Variants in LRCH2 observed in about 807,000 individuals in gnomAD.
The protein encoded by LRCH2 is leucine-rich repeat and calponin homology domain-containing protein 2.
In LRCH2, 38 loss-of-function variants were observed where a neutral mutation model predicts 68.9. The ratio of observed to expected loss-of-function variants is 0.55; its 90% CI spans 0.43 to 0.72. LRCH2 has a LOEUF of 0.72. LRCH2 is among the 30% of genes least tolerant of loss of function. The pLI, the probability that LRCH2 is intolerant of heterozygous loss-of-function variation, is 0.00. For synonymous variants in LRCH2, 191 were observed against 208.1 expected (o/e 0.92, Z 0.71); for missense variants, 528 against 572.9 (o/e 0.92, Z 0.80).
intron 1 of LRCH2, chrX:115,190,186 C>A (rs1013620937): frequency 3.2e-5 from 37 of 1,165,582 alleles, no homozygotes; most frequent in Non-Finnish European, 4.0e-5. Context: ...GTGCCGCGAC[C>A]CTGGGGATTT....
At chrX:115,121,270 G>A (rs1180008546) in intron 20 of LRCH2, among the ~76,000 whole-genome samples, 4 of 111,112 alleles carry the variant, frequency 3.6e-5, no homozygotes, top group African/African-American at 1.3e-4. Context: ...AATGGCTGCA[G>A]AAAACGTTGC....
chrX:115,205,429 T>C (rs1569516838), intron 1 of LRCH2, among the ~76,000 whole-genome samples: 1 of 112,160 alleles, frequency 8.9e-6, no homozygotes, highest in African/African-American at 3.2e-5. Flanking sequence ...AAAGACTGAA[T>C]CCTAATGTAC....
chrX:115,228,241 AT>A (rs1196163348), intron 1 of LRCH2, among the ~76,000 whole-genome samples: 64 of 110,781 alleles, frequency 5.8e-4, no homozygotes, highest in South Asian at 3.4e-3. Flanking sequence ...CGTGTAAGGT[AT>A]TTTTTTTTCT....
At chrX:115,222,888 AT>A (rs1254638264) in intron 1 of LRCH2, among the ~76,000 whole-genome samples, 1 of 111,650 alleles carries the variant, frequency 9.0e-6, no homozygotes, top group Non-Finnish European at 1.9e-5. Context: ...AGCCCCAAAA[AT>A]CTTGAAAAAA....
intron 1 of LRCH2, among the ~76,000 whole-genome samples, chrX:115,221,883 T>A (rs900650763): frequency 2.0e-5 from 2 of 98,428 alleles, no homozygotes; most frequent in Non-Finnish European, 4.1e-5. Flanking sequence ...TGATCTGGGA[T>A]ACAAAGAATC....
At position 115,165,880 on chromosome X, in the gene LRCH2, C is replaced by T. The variant is rs782143433; in HGVS notation, c.1159G>A (p.Asp387Asn). 5.2e-6 allele frequency: 6 copies of T among 1,163,367 alleles called. No homozygotes were observed. The African/African-American group carries it at 7.2e-5, about 14-fold the overall frequency. Residue 387 changes from aspartate to asparagine, a missense_variant, in exon 8 of 21, where the codon GAC becomes AAC. Transcript: ENST00000317135. ...GTCTTACTTCCTATTATGTGACTGTCATTTCTTGATGTCTGCTCTCTATTT... is the reference window on the plus strand; with the variant it reads ...GTCTTACTTCCTATTATGTGACTGTTATTTCTTGATGTCTGCTCTCTATTT... ...ESNREQTSRN[D>N]SHIIGSKTDS...
At chrX:115,230,276 T>C (rs904479888) in intron 1 of LRCH2, among the ~76,000 whole-genome samples, 8 of 111,146 alleles carry the variant, frequency 7.2e-5, no homozygotes, top group Admixed American at 2.9e-4. Flanking sequence ...TATGTCCTTA[T>C]GTGGGTGAAA....
At chrX:115,130,256 T>C (rs2072231992) in intron 14 of LRCH2, 57 bp from the exon 15 acceptor site, 2 of 599,523 alleles carry the variant, frequency 3.3e-6, no homozygotes, top group Non-Finnish European at 5.0e-6. Flanking sequence ...AATTCTCTAC[T>C]AGTAAATTAT....
intron 20 of LRCH2, among the ~76,000 whole-genome samples, chrX:115,119,708 C>T (rs1356797787): frequency 1.3e-5 from 1 of 79,878 alleles, no homozygotes; most frequent in Non-Finnish European, 2.4e-5. Context: ...GCCCGCATCG[C>T]CAAGTCAATC....
intron 12 of LRCH2, among the ~76,000 whole-genome samples, chrX:115,155,754 A>G (rs1284545084): frequency 9.0e-6 from 1 of 111,644 alleles, no homozygotes; most frequent in Non-Finnish European, 1.9e-5. Flanking sequence ...GAAGGGGTAA[A>G]TGTGGCTCAG....
intron 1 of LRCH2, chrX:115,190,526 C>A (rs782544274): frequency 8.7e-7 from 1 of 1,153,169 alleles, no homozygotes; most frequent in Admixed American, 2.7e-5. Context: ...AGGGACCACT[C>A]GCCCAAAGCC....
chrX:115,220,663 T>C (rs1384543626), intron 1 of LRCH2, among the ~76,000 whole-genome samples: 2 of 111,365 alleles, frequency 1.8e-5, no homozygotes, highest in Non-Finnish European at 1.9e-5. Flanking sequence ...AATGTCCATT[T>C]ATCTCTAAAT....
Position 115,120,241 on chromosome X carries a change from A to G in LRCH2, c.2178+2286T>C, listed in dbSNP as rs1319089942. 7.3e-3 allele frequency among the ~76,000 whole-genome samples: 681 copies of G among 92,714 alleles called. 23 individuals are homozygous for G. The Admixed American group carries it at 0.075, about 10-fold the overall frequency. 80.5% of individuals were successfully genotyped at this position (92,714 alleles called of 115,157 possible). A position where few individuals can be genotyped will look rare whatever the true frequency, so the allele number is the denominator to read the frequency against. ...CATCAGAGTGAACAGGCAACCTACA[A>G]AATGGGAGAAAATTTTCACAACCTA... On this transcript the variant is annotated intron_variant, in intron 20 of 20. Coordinates refer to ENST00000317135, the MANE Select transcript of LRCH2 (RefSeq NM_020871.4).
intron 5 of LRCH2, among the ~76,000 whole-genome samples, chrX:115,178,173 C>T (rs1479559038): frequency 1.8e-5 from 2 of 111,113 alleles, no homozygotes; most frequent in Non-Finnish European, 3.8e-5. Flanking sequence ...CTACCTACTC[C>T]TTAGAATAAA....
intron 14 of LRCH2, among the ~76,000 whole-genome samples, chrX:115,132,526 T>C (rs1480736680): frequency 8.9e-6 from 1 of 111,961 alleles, no homozygotes; most frequent in Non-Finnish European, 1.9e-5. Flanking sequence ...ACCACAACCC[T>C]TGGAAAAATA....
At chrX:115,140,006 G>C (rs2072322767) in intron 14 of LRCH2, among the ~76,000 whole-genome samples, 1 of 111,446 alleles carries the variant, frequency 9.0e-6, no homozygotes, top group African/African-American at 3.3e-5. Flanking sequence ...ATGTGACTTA[G>C]GGAGACACCA....
rs2072939566 is a variant in LRCH2 at position 115,202,842 on chromosome X, AAAG to A, written c.350-14475_350-14473del. On this transcript the variant is annotated intron_variant, in intron 1 of 20. Transcript: ENST00000317135. ...AGACCTTAACATATATTGCTTCTTG[AAAG>A]AAGCCAGTCTGAAATGTCTACATAT... is the stretch of plus-strand genomic sequence containing the variant. Among the ~76,000 whole-genome samples, 3 of 112,115 alleles carry A rather than the reference AAAG, an allele frequency of 2.7e-5. No homozygotes were observed. The South Asian group carries it at 1.1e-3, about 42-fold the overall frequency.
chrX:115,191,873 C>T lies in LRCH2; in HGVS notation c.350-3503G>A. 15 of 1,135,688 alleles carry T rather than the reference C, an allele frequency of 1.3e-5. No individual in the cohort carries two copies. Among genetic ancestry groups the T allele is most frequent in the Non-Finnish European group, 1.7e-5 (15 of 859,414 alleles). 93.6% of individuals were successfully genotyped at this position (1,135,688 alleles called of 1,213,427 possible). A position where few individuals can be genotyped will look rare whatever the true frequency, so the allele number is the denominator to read the frequency against. The stretch of plus-strand genomic sequence containing the variant: ...CACAACAGTTCCAGCCGGAACGACC[C>T]CTGCAGAGGAGGAGGCCGCTACGAG... On this transcript the variant is annotated intron_variant, in intron 1 of 20. Transcript: ENST00000317135.
intron 1 of LRCH2, chrX:115,192,163 G>A (rs782207404): frequency 2.4e-5 from 28 of 1,165,465 alleles, no homozygotes; most frequent in African/African-American, 3.6e-5. Flanking sequence ...TGACCATTAC[G>A]GAAGAGGAGG....
Sources: gnomAD v4.1 joint callset for allele counts (sites outside exome capture counted in the v4.1 genomes callset) on GRCh38, gnomAD v4.1.1 for gene constraint, MANE v1.5 for transcripts, NCBI Gene and HGNC (gene_info 2026-07-23, HGNC 2026-07-21) for gene names.